The following ERBB4 variants were observed in gnomAD, a reference collection of about 807,000 sequenced individuals.
The protein encoded by ERBB4 is receptor tyrosine-protein kinase erbB-4.
In ERBB4, 42 loss-of-function variants were observed where a neutral mutation model predicts 158.0. The ratio of observed to expected loss-of-function variants is 0.27; its 90% CI spans 0.21 to 0.34. The LOEUF (loss-of-function observed/expected upper bound fraction) is 0.34, where lower values mean the gene tolerates loss of function less well. Ranked by LOEUF, ERBB4 falls within the 10% of genes least tolerant of loss-of-function variation. ERBB4 has a pLI of 1.00. For missense variants in ERBB4, 1,333 were observed against 1,624.1 expected (o/e 0.82, Z 3.08); for synonymous variants, 583 against 558.7 (o/e 1.04, Z -0.61).
At chr2:211,452,103 A>C (rs932552461) in intron 20 of ERBB4, among the ~76,000 whole-genome samples, 3 of 152,186 alleles carry the variant, frequency 2.0e-5, no homozygotes, top group Non-Finnish European at 4.4e-5. Flanking sequence ...ACTGCACCTG[A>C]TTTGAAGATG....
In ERBB4 at chr2:212,079,197, C is replaced by T. The variant is rs567331926; in HGVS notation, c.234+45555G>A. On this transcript the variant is annotated intron_variant, in intron 2 of 27. Coordinates refer to ENST00000342788, the MANE Select transcript of ERBB4 (RefSeq NM_005235.3). ...ATATTAGGTCAAAGAATGTAAAGAT[C>T]CCATTTTTAAGAGCAATTGCCAAAT... Among the ~76,000 whole-genome samples, 19 of 118,612 alleles carry T rather than the reference C, an allele frequency of 1.6e-4. No individual in the cohort carries two copies. In the Admixed American group the frequency reaches 1.8e-3, roughly 11 times the overall value. 77.8% of individuals were successfully genotyped at this position (118,612 alleles called of 152,430 possible).
chr2:212,451,334 G>A (rs1353581415), intron 1 of ERBB4, among the ~76,000 whole-genome samples: 1 of 152,134 alleles, frequency 6.6e-6, no homozygotes, highest in Admixed American at 6.6e-5. Context: ...CATAATGTTG[G>A]AAAAATCATA....
At chr2:211,521,504 A>G (rs972820779) in intron 20 of ERBB4, among the ~76,000 whole-genome samples, 4 of 152,214 alleles carry the variant, frequency 2.6e-5, no homozygotes, top group Admixed American at 2.0e-4. Flanking sequence ...GTGCATGTGA[A>G]GCAGCAAGTG....
chr2:211,805,416 G>C (rs2076591850), intron 3 of ERBB4, among the ~76,000 whole-genome samples: 1 of 152,154 alleles, frequency 6.6e-6, no homozygotes, highest in African/African-American at 2.4e-5. Flanking sequence ...ATATAAAAGG[G>C]TGTTAAAAGT....
intron 3 of ERBB4, among the ~76,000 whole-genome samples, chr2:211,813,191 T>C (rs1476365497): frequency 6.6e-6 from 1 of 152,192 alleles, no homozygotes; most frequent in Non-Finnish European, 1.5e-5. Context: ...GAAATCAAGA[T>C]TGTTGATTTT....
intron 16 of ERBB4, among the ~76,000 whole-genome samples, chr2:211,634,252 G>C (rs2070269568): frequency 6.6e-6 from 1 of 151,586 alleles, no homozygotes; most frequent in Non-Finnish European, 1.5e-5. Context: ...TGTTTACTTT[G>C]CTTTTTTTTC....
At chr2:211,625,914 C>T (rs917060784) in intron 17 of ERBB4, among the ~76,000 whole-genome samples, 2 of 152,246 alleles carry the variant, frequency 1.3e-5, no homozygotes, top group African/African-American at 4.8e-5. Context: ...ACAGTTCTAC[C>T]TGAGCTTTTC....
chr2:212,485,812 T>C (rs1265353590), intron 1 of ERBB4, among the ~76,000 whole-genome samples: 3 of 152,132 alleles, frequency 2.0e-5, no homozygotes, highest in African/African-American at 4.8e-5. Flanking sequence ...AGGTGGCACC[T>C]TCTCACTGTG....
At chr2:211,818,590 C>T (rs2076927090) in intron 3 of ERBB4, among the ~76,000 whole-genome samples, 2 of 152,030 alleles carry the variant, frequency 1.3e-5, no homozygotes, top group Non-Finnish European at 2.9e-5. Context: ...TTAAAGGGAG[C>T]ACAAAATAAG....
intron 1 of ERBB4, among the ~76,000 whole-genome samples, chr2:212,163,999 C>T (rs2081277110): frequency 6.6e-6 from 1 of 151,884 alleles, no homozygotes; most frequent in Admixed American, 6.6e-5. Context: ...TGGGGTCACC[C>T]TATGTTGCCC....
intron 3 of ERBB4, among the ~76,000 whole-genome samples, chr2:211,918,838 AT>A (rs1209210956): frequency 6.6e-6 from 1 of 152,134 alleles, no homozygotes; most frequent in African/African-American, 2.4e-5. Context: ...GAAAGGACAA[AT>A]GTGGAACAAA....
At chr2:211,513,250 C>T (rs1025425503) in intron 20 of ERBB4, among the ~76,000 whole-genome samples, 8 of 150,806 alleles carry the variant, frequency 5.3e-5, no homozygotes, top group African/African-American at 1.9e-4. Context: ...ACAAATCAGG[C>T]TGAGGCAGGA....
At chr2:211,970,727 T>C (rs2081429523) in intron 2 of ERBB4, among the ~76,000 whole-genome samples, 1 of 152,212 alleles carries the variant, frequency 6.6e-6, no homozygotes, top group Admixed American at 6.5e-5. Flanking sequence ...TCCATTTGCC[T>C]GGAAGATTTT....
At chr2:212,487,930 G>T (rs1690063733) in intron 1 of ERBB4, among the ~76,000 whole-genome samples, 1 of 152,056 alleles carries the variant, frequency 6.6e-6, no homozygotes, top group African/African-American at 2.4e-5. Flanking sequence ...CATACTTTGT[G>T]TCTCTAATTA....
chr2:212,152,237 C>A (rs1050532550), intron 1 of ERBB4, among the ~76,000 whole-genome samples: 1 of 152,018 alleles, frequency 6.6e-6, no homozygotes, highest in African/African-American at 2.4e-5. Context: ...TTGTGATCTT[C>A]GGCTAATTAT....
chr2:211,431,239 T>G, intron 20 of ERBB4, 139 bp from the exon 21 acceptor site: 1 of 750,734 alleles, frequency 1.3e-6, no homozygotes, highest in South Asian at 1.7e-5. Context: ...TTTTCAAAAT[T>G]AGAGAAAACC....
chr2:211,998,700 C>G (rs1035549910), intron 2 of ERBB4, among the ~76,000 whole-genome samples: 1 of 151,800 alleles, frequency 6.6e-6, no homozygotes, highest in African/African-American at 2.4e-5. Flanking sequence ...ATGTCAATGG[C>G]CAACCTCATA....
At chr2:211,750,612 T>C in intron 5 of ERBB4, 27 bp downstream of exon 5, 1 of 1,599,048 alleles carries the variant, frequency 6.3e-7, no homozygotes. Context: ...ACATCAAACC[T>C]GTGTGCTCTC....
chr2:211,974,674 G>C (rs1559225273), intron 2 of ERBB4, among the ~76,000 whole-genome samples: 1 of 152,106 alleles, frequency 6.6e-6, no homozygotes, highest in African/African-American at 2.4e-5. Context: ...AGCATCTCTG[G>C]AGCCCTGGAG....
Sources: allele counts gnomAD v4.1 joint callset (sites outside exome capture counted in the v4.1 genomes callset), GRCh38; gene constraint gnomAD v4.1.1; transcripts MANE v1.5; gene names NCBI Gene and HGNC (gene_info 2026-07-23, HGNC 2026-07-21).